RASSF3: variants seen among roughly 807,000 people sequenced by gnomAD.
RASSF3 encodes Ras association domain family member 3, also known as ras association domain-containing protein 3.
RASSF3 carries 19 observed loss-of-function variants against 19.9 expected under a neutral mutation model. That is an observed-to-expected ratio of 0.96 (90% CI 0.67 to 1.40). RASSF3 has a LOEUF of 1.40. Ranked by LOEUF, RASSF3 falls within the 40% of genes most tolerant of loss-of-function variation. RASSF3 has a pLI of 0.00. For missense variants in RASSF3, 306 were observed against 289.8 expected, an observed-to-expected ratio of 1.06 and a Z score of -0.41; for synonymous variants, 110 against 104.2, an observed-to-expected ratio of 1.06 and a Z score of -0.34.
intron 3 of RASSF3, among the ~76,000 whole-genome samples, chr12:64,690,157 G>C (rs1868260282): frequency 6.6e-6 from 1 of 151,402 alleles, no homozygotes; most frequent in African/African-American, 2.4e-5. Context: ...TCTTTGGATG[G>C]TATATACATT....
chr12:64,606,732 T>C (rs1340435225), upstream of RASSF3, among the ~76,000 whole-genome samples: 3 of 152,036 alleles, frequency 2.0e-5, no homozygotes, highest in African/African-American at 7.2e-5. Context: ...GGAGGATCGC[T>C]TGAACCCGGG....
intron 1 of RASSF3, among the ~76,000 whole-genome samples, chr12:64,664,328 C>T (rs1156807790): frequency 6.6e-6 from 1 of 151,974 alleles, no homozygotes; most frequent in Non-Finnish European, 1.5e-5. Flanking sequence ...AAGTATTTAC[C>T]CTAATAATTT....
At chr12:64,563,086 C>A (rs1449284303) in intron 2 of RASSF3, among the ~76,000 whole-genome samples, 1 of 152,290 alleles carries the variant, frequency 6.6e-6, no homozygotes, top group East Asian at 1.9e-4. Context: ...ATAACAGCCT[C>A]CTATCTTTGT....
chr12:64,663,718 C>G (rs1872450006), intron 1 of RASSF3, among the ~76,000 whole-genome samples: 2 of 151,894 alleles, frequency 1.3e-5, no homozygotes, highest in Admixed American at 1.3e-4. Context: ...GTTAGCCAGG[C>G]TGGCCTTGAA....
Position 64,561,968 on chromosome 12 carries a change from C to T in RASSF3, c.294+20263C>T, listed in dbSNP as rs1404789587. ...CAAATTGCTGGGATTACGGCATGAG[C>T]CACTGTGCATGGCCCATAGTATTTA... On this transcript the variant is annotated intron_variant, in intron 2 of 5. Coordinates refer to the RASSF3 transcript ENST00000637125. Among the ~76,000 whole-genome samples the T allele has an allele frequency of 3.3e-5, 5 of 151,060 alleles. No individual in the cohort carries two copies. In the East Asian group the frequency reaches 9.7e-4, roughly 29 times the overall value.
chr12:64,634,030 A>T (rs1871248425), intron 1 of RASSF3, among the ~76,000 whole-genome samples: 2 of 152,090 alleles, frequency 1.3e-5, no homozygotes, highest in Admixed American at 6.6e-5. Flanking sequence ...GCTACTGGGG[A>T]GGCTGAGGTG....
At chr12:64,638,440 C>T (rs1042601287) in intron 1 of RASSF3, among the ~76,000 whole-genome samples, 17 of 151,950 alleles carry the variant, frequency 1.1e-4, no homozygotes, top group Non-Finnish European at 2.2e-4. Flanking sequence ...ATTAGCTGGG[C>T]GTGGTGGCGG....
At position 64,561,426 on chromosome 12, in the gene RASSF3, G is replaced by A. The variant is rs190301988; in HGVS notation, c.294+19721G>A. 6.5e-3 allele frequency among the ~76,000 whole-genome samples: 991 copies of A among 152,178 alleles called. 9 individuals are homozygous for A. The highest frequency in any genetic ancestry group is 0.023 in the African/African-American group (935 of 41,488). ...TATTCCACGCATTGCCGCACATTTG[G>A]CATTTCTGGCCCCAGGGACTAGATG... On this transcript the variant is annotated intron_variant, in intron 2 of 5. Transcript: ENST00000637125.
chr12:64,569,433 A>G (rs1434143286), intron 2 of RASSF3, among the ~76,000 whole-genome samples: 1 of 151,940 alleles, frequency 6.6e-6, no homozygotes, highest in Non-Finnish European at 1.5e-5. Context: ...CAAACTCCAC[A>G]CCTGTGGTGT....
At chr12:64,682,515 C>A (rs1043591197) in intron 1 of RASSF3, among the ~76,000 whole-genome samples, 3 of 151,448 alleles carry the variant, frequency 2.0e-5, no homozygotes, top group Non-Finnish European at 4.4e-5. Flanking sequence ...TGCAGTGAGC[C>A]CAGATCCGGC....
At chr12:64,513,744 C>A (rs1219860797) in intron 1 of RASSF3, among the ~76,000 whole-genome samples, 1 of 152,132 alleles carries the variant, frequency 6.6e-6, no homozygotes, top group Non-Finnish European at 1.5e-5. Context: ...TCAGCCTAAG[C>A]CCTCTGGAGA....
rs1869103004 is a variant in RASSF3 at position 64,548,282 on chromosome 12, G to A, written c.294+6577G>A. 2.0e-5 allele frequency among the ~76,000 whole-genome samples: 3 copies of A among 151,962 alleles called. No individual in the cohort carries two copies. The South Asian group carries it at 6.2e-4, about 32-fold the overall frequency. Reference sequence around the variant, plus strand: ...GCAGTCTTGATCTCCTGGGCTCAAGGGATCCTCAGCCTCCCAAGTAGCTGG... The same window carrying A: ...GCAGTCTTGATCTCCTGGGCTCAAGAGATCCTCAGCCTCCCAAGTAGCTGG... On this transcript the variant is annotated intron_variant, in intron 2 of 5. Transcript: ENST00000637125.
chr12:64,561,660 G>C (rs1869348586), intron 2 of RASSF3, among the ~76,000 whole-genome samples: 1 of 151,804 alleles, frequency 6.6e-6, no homozygotes, highest in Non-Finnish European at 1.5e-5. Flanking sequence ...AAATGCCTCA[G>C]GGAGTCACAA....
At chr12:64,557,921 G>A (rs1357472041) in intron 2 of RASSF3, among the ~76,000 whole-genome samples, 4 of 152,114 alleles carry the variant, frequency 2.6e-5, no homozygotes, top group Non-Finnish European at 5.9e-5. Flanking sequence ...TACGTCATAA[G>A]TGATTTCATA....
At chr12:64,572,640 G>A (rs916363994) in intron 2 of RASSF3, among the ~76,000 whole-genome samples, 19 of 152,054 alleles carry the variant, frequency 1.2e-4, no homozygotes, top group Non-Finnish European at 2.6e-4. Context: ...ATATGATAGG[G>A]CCCAATAAAT....
intron 1 of RASSF3, among the ~76,000 whole-genome samples, chr12:64,520,553 C>CATATATATATAT (rs1287781762): frequency 3.3e-5 from 1 of 30,466 alleles, no homozygotes; most frequent in African/African-American, 1.0e-4. Context: ...CACACATACA[C>CATATATATATAT]ACATATATAT....
intron 2 of RASSF3, among the ~76,000 whole-genome samples, chr12:64,592,804 T>C (rs1185517486): frequency 6.6e-6 from 1 of 152,018 alleles, no homozygotes; most frequent in East Asian, 1.9e-4. Flanking sequence ...GCCTGGCTAA[T>C]TTTTATTTTA....
chr12:64,621,432 G>GT (rs988745138), intron 1 of RASSF3, among the ~76,000 whole-genome samples: 35 of 151,816 alleles, frequency 2.3e-4, no homozygotes, highest in African/African-American at 7.5e-4. Context: ...GAACTTCAGG[G>GT]TTTTTTTTGA....
At chr12:64,661,919 G>C (rs1365947544) in intron 1 of RASSF3, among the ~76,000 whole-genome samples, 2 of 150,648 alleles carry the variant, frequency 1.3e-5, no homozygotes, top group East Asian at 3.9e-4. Flanking sequence ...GACTTAAGGT[G>C]ATCTGCCCAC....
Sources: gnomAD v4.1 joint callset for allele counts (sites outside exome capture counted in the v4.1 genomes callset) on GRCh38, gnomAD v4.1.1 for gene constraint, MANE v1.5 for transcripts, NCBI Gene and HGNC (gene_info 2026-07-23, HGNC 2026-07-21) for gene names.